The following NTM variants were observed in gnomAD, a reference collection of about 807,000 sequenced individuals.
NTM encodes the protein IgLON family member 2.
Under a neutral mutation model 42.1 loss-of-function variants are expected in NTM, and 13 were observed. The observed-to-expected ratio is 0.31, with a 90% confidence interval of 0.20 to 0.49. The LOEUF is 0.49. Ranked by LOEUF, NTM falls within the 20% of genes least tolerant of loss-of-function variation. The probability of loss-of-function intolerance (pLI) is 0.99; values close to 1 mark genes in which losing one functional copy is unlikely to be tolerated. For missense variants in NTM, 373 were observed against 452.8 expected (o/e 0.82, Z 1.60); for synonymous variants, 187 against 179.2 (o/e 1.04, Z -0.35).
At chr11:132,255,907 G>T (rs963640606) in intron 4 of NTM, among the ~76,000 whole-genome samples, 1 of 151,748 alleles carries the variant, frequency 6.6e-6, no homozygotes, top group African/African-American at 2.4e-5. Context: ...TCTTCACCTC[G>T]CTCCTCTCAC....
At chr11:131,768,880 A>G (rs2085577563) in intron 1 of NTM, among the ~76,000 whole-genome samples, 1 of 152,338 alleles carries the variant, frequency 6.6e-6, no homozygotes, top group African/African-American at 2.4e-5. Flanking sequence ...GCCAGTGTAG[A>G]CTGGACAAAT....
rs1338802983 is a variant in NTM at position 132,288,711 on chromosome 11, C to T, written c.527-18978C>T. Among the ~76,000 whole-genome samples the T allele has an allele frequency of 3.9e-5, 6 of 152,114 alleles. No homozygotes were observed. The East Asian group carries it at 1.2e-3, about 29-fold the overall frequency. On this transcript the variant is annotated intron_variant, in intron 4 of 8. Transcript: ENST00000683400. ...CTTGGCCCACTGCAACCTCCAGCTC[C>T]CGGGTTCAAGCGATTGTCCTGCCTC...
intron 1 of NTM, among the ~76,000 whole-genome samples, chr11:131,500,097 T>G (rs1308028132): frequency 6.6e-6 from 1 of 152,162 alleles, no homozygotes; most frequent in Non-Finnish European, 1.5e-5. Context: ...CCTGTGGGCC[T>G]TCTCACTCCC....
chr11:132,196,274 A>T (rs1283129119), intron 3 of NTM, among the ~76,000 whole-genome samples: 1 of 152,188 alleles, frequency 6.6e-6, no homozygotes, highest in Admixed American at 6.5e-5. Flanking sequence ...TCAGAATGCT[A>T]TTATTAAAAA....
intron 1 of NTM, among the ~76,000 whole-genome samples, chr11:131,469,794 T>C (rs985923105): frequency 2.0e-5 from 3 of 152,232 alleles, no homozygotes; most frequent in Non-Finnish European, 4.4e-5. Flanking sequence ...AATAAGTTCC[T>C]ACATGTAGAA....
chr11:132,137,003 T>C (rs2068058579), intron 2 of NTM, among the ~76,000 whole-genome samples: 1 of 152,242 alleles, frequency 6.6e-6, no homozygotes, highest in African/African-American at 2.4e-5. Context: ...TGACTCCATG[T>C]GGCTAATCTA....
chr11:131,921,642 C>T (rs566798691), intron 2 of NTM, among the ~76,000 whole-genome samples: 7 of 152,204 alleles, frequency 4.6e-5, no homozygotes, highest in Admixed American at 2.0e-4. Context: ...TGCAAAGGAT[C>T]GTAGATAGGC....
chr11:131,468,616 C>A (rs1417854618), intron 1 of NTM, among the ~76,000 whole-genome samples: 1 of 152,110 alleles, frequency 6.6e-6, no homozygotes, highest in African/African-American at 2.4e-5. Context: ...ATGTCAATGT[C>A]ATTTGAATCA....
At chr11:131,416,444 C>T (rs1946964737) in intron 1 of NTM, among the ~76,000 whole-genome samples, 1 of 152,216 alleles carries the variant, frequency 6.6e-6, no homozygotes, top group South Asian at 2.1e-4. Context: ...ACACGGTTGC[C>T]TCTCCCTGAA....
intron 2 of NTM, among the ~76,000 whole-genome samples, chr11:132,080,537 G>T (rs1005422841): frequency 6.6e-6 from 1 of 152,178 alleles, no homozygotes; most frequent in African/African-American, 2.4e-5. Context: ...TGATAAAATG[G>T]CTGGGCATAG....
chr11:131,554,545 CA>C (rs1178033877), intron 1 of NTM, among the ~76,000 whole-genome samples: 7,390 of 106,878 alleles, frequency 0.069, 242 homozygotes, highest in African/African-American at 0.092. Context: ...CACACATCTA[CA>C]AAAAAAAAAA....
At chr11:132,315,053 A>G in intron 7 of NTM, 1 of 1,059,218 alleles carries the variant, frequency 9.4e-7, no homozygotes, top group Middle Eastern at 4.3e-4. Context: ...GGAGAAAAAT[A>G]CTTTGGAATG....
intron 1 of NTM, among the ~76,000 whole-genome samples, chr11:131,792,131 C>T (rs1040426305): frequency 2.0e-5 from 3 of 152,062 alleles, no homozygotes; most frequent in African/African-American, 7.2e-5. Context: ...AATTTTAATA[C>T]AGTGGAAAAT....
At chr11:131,750,980 T>C (rs1024409224) in intron 1 of NTM, among the ~76,000 whole-genome samples, 3 of 152,122 alleles carry the variant, frequency 2.0e-5, no homozygotes, top group Admixed American at 2.0e-4. Flanking sequence ...ACCTCCACCC[T>C]GAGACTCCCA....
chr11:131,399,422 T>C (rs1053053361), intron 1 of NTM, among the ~76,000 whole-genome samples: 1 of 152,232 alleles, frequency 6.6e-6, no homozygotes, highest in African/African-American at 2.4e-5. Flanking sequence ...TTAAATTTGC[T>C]GACTGCCTTC....
intron 1 of NTM, among the ~76,000 whole-genome samples, chr11:131,576,171 T>C (rs7128501): frequency 0.015 from 2,224 of 152,252 alleles, 57 homozygotes; most frequent in African/African-American, 0.05. Flanking sequence ...CCCCAGACCA[T>C]AAATAACAGC....
At chr11:131,525,320 G>A (rs2050320642) in intron 1 of NTM, among the ~76,000 whole-genome samples, 1 of 152,184 alleles carries the variant, frequency 6.6e-6, no homozygotes, top group Non-Finnish European at 1.5e-5. Context: ...ATAATGCGCC[G>A]GAAATCGCAT....
chr11:131,828,252 C>G (rs894787564), intron 1 of NTM, among the ~76,000 whole-genome samples: 1 of 152,088 alleles, frequency 6.6e-6, no homozygotes, highest in Non-Finnish European at 1.5e-5. Flanking sequence ...ATTATTTGTA[C>G]TCTCGTCACT....
intron 2 of NTM, among the ~76,000 whole-genome samples, chr11:132,065,264 G>A (rs772681416): frequency 2.6e-5 from 4 of 152,166 alleles, no homozygotes; most frequent in Non-Finnish European, 5.9e-5. Context: ...GCATAATTAG[G>A]CTGCCCCCAA....
Sources: gnomAD v4.1 joint callset for allele counts (sites outside exome capture counted in the v4.1 genomes callset) on GRCh38, gnomAD v4.1.1 for gene constraint, MANE v1.5 for transcripts, NCBI Gene and HGNC (gene_info 2026-07-23, HGNC 2026-07-21) for gene names.